The following ADAMTS12 variants were observed in gnomAD, a reference collection of about 807,000 sequenced individuals.
The protein encoded by ADAMTS12 is A disintegrin and metalloproteinase with thrombospondin motifs 12.
ADAMTS12 carries 118 observed loss-of-function variants against 167.8 expected under a neutral mutation model. The ratio of observed to expected loss-of-function variants is 0.70; its 90% CI spans 0.61 to 0.82. The LOEUF (loss-of-function observed/expected upper bound fraction) is 0.82. Ranked by LOEUF, ADAMTS12 falls within the 40% of genes least tolerant of loss-of-function variation. The probability of loss-of-function intolerance (pLI) is 0.00; values close to 1 mark genes in which losing one functional copy is unlikely to be tolerated. For synonymous variants in ADAMTS12, 704 were observed against 716.9 expected (o/e 0.98, Z 0.29); for missense variants, 1,916 against 1,998.8 (o/e 0.96, Z 0.79).
chr5:33,774,846 TA>T (rs1179697605), intron 2 of ADAMTS12, among the ~76,000 whole-genome samples: 3 of 152,236 alleles, frequency 2.0e-5, no homozygotes, highest in African/African-American at 7.2e-5. Context: ...ATGAGTTAAT[TA>T]AACTTTCCCA....
chr5:33,834,178 TAA>T (rs1748418626), intron 2 of ADAMTS12, among the ~76,000 whole-genome samples: 1 of 152,204 alleles, frequency 6.6e-6, no homozygotes. Context: ...GGTCTGATTT[TAA>T]GTTAGTTACC....
At chr5:33,801,364 T>C (rs1747002833) in intron 2 of ADAMTS12, among the ~76,000 whole-genome samples, 1 of 152,176 alleles carries the variant, frequency 6.6e-6, no homozygotes, top group African/African-American at 2.4e-5. Context: ...GGGCTTTTAG[T>C]TTTAGAGACC....
intron 2 of ADAMTS12, among the ~76,000 whole-genome samples, chr5:33,818,467 T>C (rs1747747620): frequency 6.6e-6 from 1 of 152,150 alleles, no homozygotes; most frequent in Non-Finnish European, 1.5e-5. Context: ...ACATTTCCTT[T>C]ATCCATTTGT....
intron 19 of ADAMTS12, among the ~76,000 whole-genome samples, chr5:33,570,202 T>C (rs1428922917): frequency 6.6e-6 from 1 of 152,090 alleles, no homozygotes; most frequent in Non-Finnish European, 1.5e-5. Context: ...ACTTCCCCAA[T>C]CTAGCAAGGC....
intron 2 of ADAMTS12, among the ~76,000 whole-genome samples, chr5:33,822,807 G>A (rs2112504844): frequency 6.6e-6 from 1 of 152,136 alleles, no homozygotes; most frequent in South Asian, 2.1e-4. Context: ...AAAAATATAG[G>A]CCGGGAATGG....
intron 5 of ADAMTS12, among the ~76,000 whole-genome samples, chr5:33,668,140 T>C (rs1727860055): frequency 6.6e-6 from 1 of 152,180 alleles, no homozygotes; most frequent in Admixed American, 6.5e-5. Context: ...TGAATACACC[T>C]AACCTACCGA....
chr5:33,694,757 A>T (rs1408905996), intron 3 of ADAMTS12, among the ~76,000 whole-genome samples: 1 of 152,218 alleles, frequency 6.6e-6, no homozygotes, highest in East Asian at 1.9e-4. Context: ...GATTTCAAAG[A>T]CTTGATATGA....
chr5:33,789,621 A>C (rs1746452611), intron 2 of ADAMTS12, among the ~76,000 whole-genome samples: 1 of 152,216 alleles, frequency 6.6e-6, no homozygotes, highest in Non-Finnish European at 1.5e-5. Context: ...CAGCAGGTTT[A>C]AAAATAAATG....
chr5:33,831,958 T>A (rs1748317202), intron 2 of ADAMTS12, among the ~76,000 whole-genome samples: 1 of 152,122 alleles, frequency 6.6e-6, no homozygotes, highest in South Asian at 2.1e-4. Context: ...AAACAAACAG[T>A]TACAATTAGG....
At chr5:33,538,869 G>A (rs978692559) in intron 22 of ADAMTS12, among the ~76,000 whole-genome samples, 10 of 152,000 alleles carry the variant, frequency 6.6e-5, no homozygotes, top group African/African-American at 1.7e-4. Flanking sequence ...ATTTTTTCTC[G>A]AGATTCCATT....
intron 2 of ADAMTS12, among the ~76,000 whole-genome samples, chr5:33,872,925 T>C (rs1750094459): frequency 6.6e-6 from 1 of 152,052 alleles, no homozygotes; most frequent in Non-Finnish European, 1.5e-5. Context: ...CTCAGTAAAA[T>C]AGGAATAGAG....
chr5:33,861,401 T>C (rs1749611860), intron 2 of ADAMTS12, among the ~76,000 whole-genome samples: 1 of 152,102 alleles, frequency 6.6e-6, no homozygotes, highest in Non-Finnish European at 1.5e-5. Context: ...AAACAGACTT[T>C]AAGCCAAAAA....
At chr5:33,759,563 T>G (rs1339453056) in intron 2 of ADAMTS12, among the ~76,000 whole-genome samples, 1 of 152,202 alleles carries the variant, frequency 6.6e-6, no homozygotes, top group Non-Finnish European at 1.5e-5. Flanking sequence ...CAATCTGCTG[T>G]CTCTGTGGAT....
chr5:33,534,689 T>C, intron 23 of ADAMTS12, 144 bp downstream of exon 23: 1 of 1,087,156 alleles, frequency 9.2e-7, no homozygotes, highest in Admixed American at 3.0e-5. Flanking sequence ...ATCAGATAGT[T>C]TGTTCCCAGG....
intron 2 of ADAMTS12, among the ~76,000 whole-genome samples, chr5:33,765,896 GCTCA>G (rs992430087): frequency 6.6e-5 from 10 of 152,158 alleles, no homozygotes; most frequent in African/African-American, 2.4e-4. Context: ...GTGATTAAGT[GCTCA>G]CTGTCTTGAG....
chr5:33,732,792 G>C (rs545882333), intron 3 of ADAMTS12, among the ~76,000 whole-genome samples: 10 of 152,016 alleles, frequency 6.6e-5, no homozygotes, highest in Admixed American at 6.5e-5. Flanking sequence ...GGCAAAATTG[G>C]TGGTACAAGA....
intron 2 of ADAMTS12, among the ~76,000 whole-genome samples, chr5:33,756,372 C>T (rs907788806): frequency 3.9e-5 from 6 of 152,134 alleles, no homozygotes; most frequent in Non-Finnish European, 5.9e-5. Context: ...TGCTTTTAGG[C>T]GGCGAAGCCA....
At chr5:33,829,391 T>C (rs1472279595) in intron 2 of ADAMTS12, among the ~76,000 whole-genome samples, 1 of 152,206 alleles carries the variant, frequency 6.6e-6, no homozygotes, top group African/African-American at 2.4e-5. Context: ...AATAGTACTT[T>C]GAGTTGCTGT....
At chr5:33,728,677 C>T (rs1045549020) in intron 3 of ADAMTS12, among the ~76,000 whole-genome samples, 53 of 152,334 alleles carry the variant, frequency 3.5e-4, no homozygotes, top group Middle Eastern at 3.4e-3. Context: ...AACACCTTAG[C>T]ACCCCAGCCT....
Sources: gnomAD v4.1 joint callset for allele counts (sites outside exome capture counted in the v4.1 genomes callset) on GRCh38, gnomAD v4.1.1 for gene constraint, MANE v1.5 for transcripts, NCBI Gene and HGNC (gene_info 2026-07-23, HGNC 2026-07-21) for gene names.